The following NLRP12 variants were observed in gnomAD, a reference collection of about 807,000 sequenced individuals.
NLRP12 encodes the protein NACHT, LRR and PYD domains-containing protein 12.
Under a neutral mutation model 91.2 loss-of-function variants are expected in NLRP12, and 108 were observed. The ratio of observed to expected loss-of-function variants is 1.18; its 90% CI spans 1.01 to 1.39. The LOEUF (loss-of-function observed/expected upper bound fraction) is 1.39, where lower values mean the gene tolerates loss of function less well. Ranked by LOEUF, NLRP12 falls within the 40% of genes most tolerant of loss-of-function variation. The pLI, the probability that NLRP12 is intolerant of heterozygous loss-of-function variation, is 0.00. For synonymous variants in NLRP12, 613 were observed against 566.7 expected (o/e 1.08, Z -1.16); for missense variants, 1,530 against 1,352.7 (o/e 1.13, Z -2.06).
chr19:53,824,300 A>T lies in NLRP12; in HGVS notation c.-126T>A. ...AGGCAGCGGGCGGAGAGGCTGAGCC[A>T]GTGGTTGGAGGAGAGAGCAAGGGAG... On this transcript the variant is annotated 5_prime_UTR_variant, in exon 1 of 10. Coordinates refer to ENST00000324134, the MANE Select transcript of NLRP12 (RefSeq NM_144687.4). 1 of 992,650 alleles carries T rather than the reference A, an allele frequency of 1.0e-6. No individual in the cohort carries two copies. Among genetic ancestry groups the T allele is most frequent in the Non-Finnish European group, 1.5e-6 (1 of 648,484 alleles). The allele number at this position is 992,650 out of a possible 1,614,324, so 61.5% of individuals were successfully genotyped here.
chr19:53,794,753 G>A (rs1211403712), intron 9 of NLRP12, among the ~76,000 whole-genome samples: 1 of 149,938 alleles, frequency 6.7e-6, no homozygotes, highest in Non-Finnish European at 1.5e-5. Context: ...TGCAACCTCC[G>A]CCTCCTGGCT....
intron 1 of NLRP12, among the ~76,000 whole-genome samples, chr19:53,817,181 C>T (rs1285261640): frequency 6.6e-6 from 1 of 151,896 alleles, no homozygotes; most frequent in Non-Finnish European, 1.5e-5. Context: ...GTAGTCCCAG[C>T]AATTTGGGAG....
rs373491385 is a variant in NLRP12 at position 53,823,416 on chromosome 19, T to A, written c.289+470A>T. ...TTTAAATATATATTTAAAATATATG[T>A]TTTAAATATATATATTTAAAATATA... On this transcript the variant is annotated intron_variant, in intron 1 of 9. Coordinates refer to ENST00000324134, the MANE Select transcript of NLRP12 (RefSeq NM_144687.4). 4.8e-4 allele frequency among the ~76,000 whole-genome samples: 42 copies of A among 87,190 alleles called. 2 individuals are homozygous for A. Among genetic ancestry groups the A allele is most frequent in the African/African-American group, 1.4e-3 (32 of 23,572 alleles). The allele number at this position is 87,190 out of a possible 152,430, so 57.2% of individuals were successfully genotyped here.
chr19:53,813,299 C>CTTTTTTTTTTTTTTTTTTTTTT (rs1160039078), intron 2 of NLRP12, among the ~76,000 whole-genome samples: 5 of 86,008 alleles, frequency 5.8e-5, no homozygotes, highest in African/African-American at 1.4e-4. Context: ...TTTTTCTTTT[C>CTTTTTTTTTTTTTTTTTTTTTT]TTTTTTTTTT....
At position 53,795,944 on chromosome 19, in the gene NLRP12, G is replaced by A. The variant is rs2091749496; in HGVS notation, c.3013C>T (p.Leu1005=). 6.2e-7 allele frequency: 1 copy of A among 1,614,170 alleles called. No homozygotes were observed. Among genetic ancestry groups the A allele is most frequent in the Non-Finnish European group, 8.5e-7 (1 of 1,180,028 alleles). Residue 1005 remains leucine (L), a synonymous_variant, in exon 9 of 10, where the codon CTG becomes TTG. Coordinates refer to ENST00000324134, the MANE Select transcript of NLRP12 (RefSeq NM_144687.4). ...GINQTLTDLY[L]TNNALGDTGV... is the part of the protein sequence containing the mutation. ...GTGTCCCCTAGGGCGTTGTTGGTCA[G>A]GTAAAGGTCGGTCAAGGTCTGGTTG... is the stretch of plus-strand genomic sequence containing the variant.
rs6509817 is a variant in NLRP12 at position 53,794,284 on chromosome 19, A to G, written c.3099-148T>C. 377,348 of 718,202 alleles carry G rather than the reference A, an allele frequency of 0.53. 101,024 individuals carry two copies. The highest frequency in any genetic ancestry group is 0.63 in the South Asian group (42,499 of 67,486). 44.5% of individuals were successfully genotyped at this position (718,202 alleles called of 1,614,324 possible). On this transcript the variant is annotated intron_variant, in intron 9 of 9. Transcript: ENST00000324134. ...AACGCTGCTGGAAAGTAGGCTTACT[A>G]CATGCTACATGCAAGTCCCCAAGCT... is the stretch of plus-strand genomic sequence containing the variant.
intron 4 of NLRP12, among the ~76,000 whole-genome samples, chr19:53,806,368 A>G (rs916509442): frequency 2.0e-5 from 3 of 151,762 alleles, no homozygotes; most frequent in African/African-American, 7.3e-5. Context: ...GTGAAACCCC[A>G]TCTCTCCAAA....
intron 3 of NLRP12, chr19:53,808,073 T>C (rs1476655380): frequency 5.7e-6 from 2 of 352,242 alleles, no homozygotes; most frequent in Non-Finnish European, 1.1e-5. Context: ...TTTTCATTTT[T>C]TTTTTTAGAG....
rs2092234769 is a variant in NLRP12 at position 53,819,649 on chromosome 19, A to ATATATATGCGTATATATGTATGTATACG, written c.289+4236_289+4237insCGTATACATACATATATACGCATATATA. On this transcript the variant is annotated intron_variant, in intron 1 of 9. Coordinates refer to ENST00000324134, the MANE Select transcript of NLRP12 (RefSeq NM_144687.4). ...TACGCGTATATATGTATGTATACGT[A>ATATATATGCGTATATATGTATGTATACG]TATATATACACATGTATACATATAT... Among the ~76,000 whole-genome samples the ATATATATGCGTATATATGTATGTATACG allele has an allele frequency of 5.9e-4, 57 of 96,722 alleles. 12 individuals carry two copies. The highest frequency in any genetic ancestry group is 1.1e-3 in the Admixed American group (10 of 9,274). The allele number at this position is 96,722 out of a possible 152,430, so 63.5% of individuals were successfully genotyped here.
chr19:53,814,883 T>G (rs2092132959), intron 2 of NLRP12, 25 bp downstream of exon 2: 1 of 1,592,534 alleles, frequency 6.3e-7, no homozygotes, highest in African/African-American at 1.3e-5. Context: ...GATGAATACA[T>G]GTAGGTACAT....
rs769979504 is a variant in NLRP12, at chr19:53,823,886, C to A, written c.289G>T (p.Asp97Tyr). 6.2e-7 allele frequency: 1 copy of A among 1,613,926 alleles called. No individual in the cohort carries two copies. Among genetic ancestry groups the A allele is most frequent in the Non-Finnish European group, 8.5e-7 (1 of 1,180,036 alleles). Residue 97 changes from aspartate (D) to tyrosine (Y), a missense_variant and splice_region_variant, in exon 1 of 10, where the codon GAT becomes TAT. Physicochemically the swap from Asp to Tyr is radical, Grantham distance 160. Coordinates refer to ENST00000324134, the MANE Select transcript of NLRP12 (RefSeq NM_144687.4). ...ERGQREDLVR[D>Y]TPPGGPSSLG... ...CTTGCCTGTCCCGCCACCTCCTTAC[C>A]CCTCACCAGGTCCTCTCTCTGTCCT... is the stretch of plus-strand genomic sequence containing the variant.
intron 8 of NLRP12, among the ~76,000 whole-genome samples, chr19:53,797,643 C>T (rs1372294880): frequency 7.9e-5 from 12 of 152,248 alleles, no homozygotes; most frequent in African/African-American, 2.4e-4. Flanking sequence ...TCTCGAACTC[C>T]TGACCTCAGG....
Position 53,811,050 on chromosome 19 carries a change from G to A in NLRP12, c.609C>T (p.Asp203=), listed in dbSNP as rs34854934. 3,542 of 1,612,588 alleles carry A rather than the reference G, an allele frequency of 2.2e-3. 61 individuals are homozygous for A. In the African/African-American group the frequency reaches 0.039, roughly 18 times the overall value. ...TGCGCGGTGGCTCGGGGCGCTCCTCGTCTGGCTCAAAGAGGGTCTCTATCT... is the reference window on the plus strand; with the variant it reads ...TGCGCGGTGGCTCGGGGCGCTCCTCATCTGGCTCAAAGAGGGTCTCTATCT... ...PIKIETLFEP[D]EERPEPPRTV... The change falls in exon 3 of 10, where the codon GAC becomes GAT. Residue 203 remains aspartate, a synonymous_variant. Transcript: ENST00000324134.
chr19:53,810,809 G>A lies in NLRP12; in HGVS notation c.850C>T (p.Arg284Ter), dbSNP rs104895564. The A allele has an allele frequency of 1.0e-4, 168 of 1,614,074 alleles. 1 individual carries two copies. The African/African-American group carries it at 1.6e-3, about 15-fold the overall frequency. The change falls in exon 3 of 10, where the codon CGA becomes TGA. Residue 284 changes from arginine (R) to a stop codon, truncating the protein, a stop_gained. Coordinates refer to ENST00000324134, the MANE Select transcript of NLRP12 (RefSeq NM_144687.4). LOFTEE classifies it high-confidence loss of function. Reference sequence around the variant, plus strand: ...ATGAAAAGGAGGCGCTCGGGAACTCGGATGAGCTCCTGGAGAGGCGCGCTG... The same window carrying A: ...ATGAAAAGGAGGCGCTCGGGAACTCAGATGAGCTCCTGGAGAGGCGCGCTG... ...EPSAPLQELI[R>*]VPERLLFIID...
Position 53,810,222 on chromosome 19 carries a change from C to G in NLRP12, c.1437G>C (p.Gln479His), listed in dbSNP as rs77667763. Residue 479 changes from glutamine to histidine, a missense_variant, in exon 3 of 10, where the codon CAG (glutamine) becomes CAC (histidine). By Grantham distance (24) the Gln-to-His change is conservative. Coordinates refer to ENST00000324134, the MANE Select transcript of NLRP12 (RefSeq NM_144687.4). The stretch of plus-strand genomic sequence containing the variant: ...CGTCTAGGCCGTGCTTCCGGAGGTC[C>G]TGCTCCTCAAATAGGATTTTCTGAT... ...LWNQKILFEE[Q>H]DLRKHGLDGE... The G allele has an allele frequency of 4.3e-6, 7 of 1,614,164 alleles. No homozygotes were observed. The highest frequency in any genetic ancestry group is 5.9e-6 in the Non-Finnish European group (7 of 1,180,030).
Position 53,798,247 on chromosome 19 carries a change from G to A in NLRP12, c.2923C>T (p.Leu975=), listed in dbSNP as rs752069080. The A allele has an allele frequency of 6.2e-7, 1 of 1,614,200 alleles. No homozygotes were observed. The highest frequency in any genetic ancestry group is 8.5e-7 in the Non-Finnish European group (1 of 1,180,044). ...CCGTCACTCCCCGATGCTCACCACA[G>A]TTTCTGGAGTCTGCAGGCGGGATGT... ...LQHPACRLQK[L]WLDSCGLTAK... The change falls in exon 8 of 10, where the codon CTG becomes TTG. Residue 975 remains leucine (L), a synonymous_variant. Transcript: ENST00000324134.
At chr19:53,823,423 T>TATTTTTTAA (rs1555799937) in intron 1 of NLRP12, among the ~76,000 whole-genome samples, 4 of 109,896 alleles carry the variant, frequency 3.6e-5, no homozygotes, top group Admixed American at 3.5e-4. Flanking sequence ...ATGTTTTAAA[T>TATTTTTTAA]ATATATATTT....
chr19:53,798,844 C>A (rs560429150), intron 7 of NLRP12, among the ~76,000 whole-genome samples: 1 of 151,710 alleles, frequency 6.6e-6, no homozygotes, highest in Non-Finnish European at 1.5e-5. Flanking sequence ...CAAGCTCAAG[C>A]GATTCTCCTG....
chr19:53,813,204 T>C (rs894571404), intron 2 of NLRP12, among the ~76,000 whole-genome samples: 1 of 151,568 alleles, frequency 6.6e-6, no homozygotes, highest in Admixed American at 6.6e-5. Flanking sequence ...TCCAGAATGC[T>C]TTCAGCATTC....
Sources: allele counts gnomAD v4.1 joint callset (sites outside exome capture counted in the v4.1 genomes callset), GRCh38; gene constraint gnomAD v4.1.1; transcripts MANE v1.5; gene names NCBI Gene and HGNC (gene_info 2026-07-23, HGNC 2026-07-21).